The following RBM18 variants were observed in gnomAD, a reference collection of about 807,000 sequenced individuals.
The protein encoded by RBM18 is RNA binding motif protein 18.
A neutral mutation model predicts 26.4 loss-of-function variants in RBM18; 18 were observed. The ratio of observed to expected loss-of-function variants is 0.68; its 90% confidence interval spans 0.47 to 1.01. The LOEUF is 1.01. Among genes scored for constraint, RBM18 ranks in the 50% least tolerant of loss-of-function variants. The pLI is 0.00. For missense variants in RBM18, 180 were observed against 219.2 expected (o/e 0.82, Z 1.13); for synonymous variants, 74 against 81.1 (o/e 0.91, Z 0.47).
intron 2 of RBM18, among the ~76,000 whole-genome samples, chr9:122,253,612 G>C (rs1831640225): frequency 1.3e-5 from 2 of 151,776 alleles, no homozygotes; most frequent in Non-Finnish European, 2.9e-5. Flanking sequence ...TGGGCGAGAA[G>C]AGTCTCCCCC....
At chr9:122,244,598 G>C (rs532705800) in intron 5 of RBM18, among the ~76,000 whole-genome samples, 2 of 152,298 alleles carry the variant, frequency 1.3e-5, no homozygotes, top group Non-Finnish European at 2.9e-5. Context: ...CACAGTGCCT[G>C]CTTCAGCGTA....
At chr9:122,260,021 G>C (rs570661154) in intron 2 of RBM18, among the ~76,000 whole-genome samples, 1 of 152,260 alleles carries the variant, frequency 6.6e-6, no homozygotes, top group African/African-American at 2.4e-5. Context: ...CTATTCTAAA[G>C]GGAGTAACTT....
chr9:122,261,238 TAAC>T (rs1024375195), intron 2 of RBM18, 139 bp downstream of exon 2: 2 of 635,380 alleles, frequency 3.1e-6, no homozygotes, highest in Non-Finnish European at 5.7e-6. Flanking sequence ...GATAACAGGC[TAAC>T]AACATCTTAT....
At chr9:122,246,499 A>G (rs919186820) in intron 4 of RBM18, among the ~76,000 whole-genome samples, 2 of 152,222 alleles carry the variant, frequency 1.3e-5, no homozygotes, top group Admixed American at 6.5e-5. Flanking sequence ...AGTTTGGTAA[A>G]TGAGACTTGA....
Position 122,238,992 on chromosome 9 carries a change from G to A in RBM18, c.*2892C>T, listed in dbSNP as rs1831370775. On this transcript the variant is annotated 3_prime_UTR_variant, in exon 6 of 6. Transcript: ENST00000417201. ...AGAGAAAAAGAGAAAACAGGGATAA[G>A]CATGCTGGGACTAAATCATATTTTA... 1 of 152,096 alleles carries A rather than the reference G, an allele frequency of 6.6e-6. No individual in the cohort carries two copies. Among genetic ancestry groups the A allele is most frequent in the East Asian group, 1.9e-4 (1 of 5,202 alleles). 9.4% of individuals were successfully genotyped at this position (152,096 alleles called of 1,614,324 possible). A position where few individuals can be genotyped will look rare whatever the true frequency, so the allele number is the denominator to read the frequency against.
At chr9:122,255,134 A>T (rs1831670318) in intron 2 of RBM18, among the ~76,000 whole-genome samples, 1 of 152,178 alleles carries the variant, frequency 6.6e-6, no homozygotes, top group Non-Finnish European at 1.5e-5. Flanking sequence ...ATTATTTTTG[A>T]TGCACAATTT....
intron 2 of RBM18, among the ~76,000 whole-genome samples, chr9:122,256,555 T>C (rs1831701148): frequency 1.3e-5 from 2 of 152,224 alleles, no homozygotes; most frequent in South Asian, 4.1e-4. Context: ...GCACTTATAA[T>C]GATATTCAGA....
intron 4 of RBM18, 70 bp downstream of exon 4, chr9:122,247,448 A>C: frequency 7.6e-7 from 1 of 1,310,368 alleles, no homozygotes; most frequent in Non-Finnish European, 1.1e-6. Flanking sequence ...TAAACGGGTA[A>C]GTGGACAACC....
intron 4 of RBM18, among the ~76,000 whole-genome samples, chr9:122,247,222 C>G (rs1278792389): frequency 6.6e-6 from 1 of 152,060 alleles, no homozygotes; most frequent in Non-Finnish European, 1.5e-5. Flanking sequence ...TATTTTCCTC[C>G]AAAGAACCCT....
chr9:122,263,963 A>C (rs983942694), intron 1 of RBM18, among the ~76,000 whole-genome samples: 1 of 152,198 alleles, frequency 6.6e-6, no homozygotes, highest in African/African-American at 2.4e-5. Flanking sequence ...TTGTTATTCT[A>C]TATCATAGCC....
chr9:122,251,761 C>A, intron 3 of RBM18, 86 bp downstream of exon 3: 1 of 1,259,978 alleles, frequency 7.9e-7, no homozygotes, highest in Non-Finnish European at 1.1e-6. Flanking sequence ...CTACAGGGAA[C>A]TGCTATTCTA....
intron 3 of RBM18, among the ~76,000 whole-genome samples, chr9:122,251,071 A>G (rs1432393044): frequency 6.6e-6 from 1 of 151,932 alleles, no homozygotes; most frequent in African/African-American, 2.4e-5. Flanking sequence ...CTATAGGTGC[A>G]CCATCACACA....
At chr9:122,246,432 G>T (rs748189016) in intron 4 of RBM18, among the ~76,000 whole-genome samples, 1 of 152,216 alleles carries the variant, frequency 6.6e-6, no homozygotes, top group Non-Finnish European at 1.5e-5. Flanking sequence ...TGAAAGACAG[G>T]AATGGAGGAT....
chr9:122,244,419 C>A (rs1292971093), intron 5 of RBM18, among the ~76,000 whole-genome samples: 1 of 152,178 alleles, frequency 6.6e-6, no homozygotes, highest in Non-Finnish European at 1.5e-5. Context: ...TCTTCCCCTG[C>A]CCCGGAACAG....
At position 122,239,146 on chromosome 9, in the gene RBM18, TAA is replaced by T. The variant is rs1831372690; in HGVS notation, c.*2736_*2737del. On this transcript the variant is annotated 3_prime_UTR_variant, in exon 6 of 6. Coordinates refer to ENST00000417201, the MANE Select transcript of RBM18 (RefSeq NM_033117.4). ...GTTGATTCAGAAACTGTGCATATCTTAATAAACAAGAGACAGAGCTGCAGAAT... is the reference window on the plus strand; with the variant it reads ...GTTGATTCAGAAACTGTGCATATCTTTAAACAAGAGACAGAGCTGCAGAAT... The T allele has an allele frequency of 1.3e-5, 2 of 152,216 alleles. No individual in the cohort carries two copies. Among genetic ancestry groups the T allele is most frequent in the Admixed American group, 6.5e-5 (1 of 15,286 alleles). The allele number at this position is 152,216 out of a possible 1,614,324, so 9.4% of individuals were successfully genotyped here.
At position 122,251,892 on chromosome 9, in the gene RBM18, CT is replaced by C; in HGVS notation, c.194del (p.Glu65GlyfsTer44). ...CAAAACAGTAGCCTCGAGGCTGTCC[CT>C]CCAAAGCACCTGACTTGTGGAAGAG... ...DFLFHKSGAL[E>X]GQPRGYCFVN... On this transcript the variant is annotated frameshift_variant, in exon 3 of 6. Coordinates refer to ENST00000417201, the MANE Select transcript of RBM18 (RefSeq NM_033117.4). LOFTEE classifies it high-confidence loss of function. 1 of 1,614,156 alleles carries C rather than the reference CT, an allele frequency of 6.2e-7. No individual in the cohort carries two copies. The highest frequency in any genetic ancestry group is 8.5e-7 in the Non-Finnish European group (1 of 1,180,004).
At position 122,241,695 on chromosome 9, in the gene RBM18, T is replaced by C. The variant is rs991631633; in HGVS notation, c.*189A>G. ...GGGATACAACGCTATTTATTCTGGA[T>C]GATGCTCAATTCCATACATAGTTTA... On this transcript the variant is annotated 3_prime_UTR_variant, in exon 6 of 6. Coordinates refer to ENST00000417201, the MANE Select transcript of RBM18 (RefSeq NM_033117.4). 5.8e-6 allele frequency: 3 copies of C among 513,308 alleles called. No homozygotes were observed. The highest frequency in any genetic ancestry group is 3.4e-6 in the Non-Finnish European group (1 of 293,674). The allele number at this position is 513,308 out of a possible 1,614,324, so 31.8% of individuals were successfully genotyped here.
chr9:122,243,647 A>G, intron 5 of RBM18: 1 of 789,588 alleles, frequency 1.3e-6, no homozygotes, highest in Non-Finnish European at 1.5e-6. Flanking sequence ...GAAACTTGGA[A>G]GGAGTATATA....
intron 2 of RBM18, among the ~76,000 whole-genome samples, chr9:122,258,862 G>A (rs1055505207): frequency 1.4e-5 from 2 of 138,624 alleles, no homozygotes; most frequent in Non-Finnish European, 3.0e-5. Context: ...AGGTTGCCAT[G>A]AGCTATGATT....
Sources: gnomAD v4.1 joint callset for allele counts (sites outside exome capture counted in the v4.1 genomes callset) on GRCh38, gnomAD v4.1.1 for gene constraint, MANE v1.5 for transcripts, NCBI Gene and HGNC (gene_info 2026-07-23, HGNC 2026-07-21) for gene names.